PPARGC1A: variants seen among roughly 807,000 people sequenced by gnomAD.
The protein encoded by PPARGC1A is peroxisome proliferator-activated receptor gamma coactivator 1-alpha.
A neutral mutation model predicts 88.7 loss-of-function variants in PPARGC1A; 25 were observed. The ratio of observed to expected loss-of-function variants is 0.28; its 90% CI spans 0.21 to 0.39. PPARGC1A has a LOEUF of 0.39. Among genes scored for constraint, PPARGC1A ranks in the 10% least tolerant of loss-of-function variants. The pLI is 1.00. For synonymous variants in PPARGC1A, 363 were observed against 355.6 expected, an observed-to-expected ratio of 1.02 and a Z score of -0.24; for missense variants, 880 against 968.7, an observed-to-expected ratio of 0.91 and a Z score of 1.22.
At chr4:23,974,799 A>ATTTTGTTTTTTTTTTTT in the PPARGC1A span, among the ~76,000 whole-genome samples, 1 of 61,120 alleles carries the variant, frequency 1.6e-5, no homozygotes, top group Non-Finnish European at 2.8e-5. Context: ...GGCCCGGCTA[A>ATTTTGTTTTTTTTTTTT]TTTTTTTTTT....
At chr4:23,985,868 T>A in the PPARGC1A span, among the ~76,000 whole-genome samples, 1 of 152,012 alleles carries the variant, frequency 6.6e-6, no homozygotes, top group Non-Finnish European at 1.5e-5. Context: ...ATGAGAAAAT[T>A]ATGGTACACA....
At chr4:24,208,151 T>G in the PPARGC1A span, among the ~76,000 whole-genome samples, 4 of 151,962 alleles carry the variant, frequency 2.6e-5, no homozygotes, top group Non-Finnish European at 5.9e-5. Context: ...GGCGCATTGG[T>G]GTGCACCTGT....
At chr4:24,217,940 G>A in the PPARGC1A span, among the ~76,000 whole-genome samples, 7 of 152,092 alleles carry the variant, frequency 4.6e-5, no homozygotes, top group Non-Finnish European at 8.8e-5. Context: ...GTTTCTATAA[G>A]AAACATGTAA....
the PPARGC1A span, among the ~76,000 whole-genome samples, chr4:24,272,995 T>G: frequency 6.6e-6 from 1 of 152,254 alleles, no homozygotes; most frequent in African/African-American, 2.4e-5. Flanking sequence ...TCTACCTAAC[T>G]GCAGCTCAGC....
the PPARGC1A span, among the ~76,000 whole-genome samples, chr4:24,437,955 G>A: frequency 6.6e-6 from 1 of 152,134 alleles, no homozygotes; most frequent in African/African-American, 2.4e-5. Flanking sequence ...GGGATTACAG[G>A]CCTGACCCAC....
the PPARGC1A span, among the ~76,000 whole-genome samples, chr4:24,203,259 C>T: frequency 6.6e-6 from 1 of 152,182 alleles, no homozygotes; most frequent in African/African-American, 2.4e-5. Flanking sequence ...AATGACCAGG[C>T]CGGACGTGGT....
the PPARGC1A span, among the ~76,000 whole-genome samples, chr4:24,005,591 T>C: frequency 6.6e-6 from 1 of 152,182 alleles, no homozygotes; most frequent in Non-Finnish European, 1.5e-5. Context: ...CACTGTCACA[T>C]TATTCAGATT....
At chr4:23,879,748 A>G (rs890465132) in intron 2 of PPARGC1A, among the ~76,000 whole-genome samples, 7 of 152,168 alleles carry the variant, frequency 4.6e-5, no homozygotes, top group African/African-American at 1.7e-4. Context: ...TGTCAGCATT[A>G]TCACTCTTAA....
At chr4:23,898,678 A>T (rs2148874383) in intron 1 of PPARGC1A, among the ~76,000 whole-genome samples, 1 of 152,324 alleles carries the variant, frequency 6.6e-6, no homozygotes, top group Admixed American at 6.5e-5. Flanking sequence ...ATCTGCAAAA[A>T]GAGGTTGATG....
At chr4:24,235,798 T>C in the PPARGC1A span, among the ~76,000 whole-genome samples, 182 of 152,250 alleles carry the variant, frequency 1.2e-3, no homozygotes, top group African/African-American at 4.1e-3. Context: ...AAAGGTAAGG[T>C]AGACTCATCC....
At chr4:24,166,779 C>T in the PPARGC1A span, among the ~76,000 whole-genome samples, 1 of 152,180 alleles carries the variant, frequency 6.6e-6, no homozygotes, top group Non-Finnish European at 1.5e-5. Context: ...TAAGCCCAGT[C>T]TTGAGACTTA....
chr4:24,367,555 A>T, the PPARGC1A span, among the ~76,000 whole-genome samples: 2 of 152,206 alleles, frequency 1.3e-5, no homozygotes, highest in Non-Finnish European at 2.9e-5. Flanking sequence ...AAGTCATTCC[A>T]AATTAATGCA....
chr4:24,469,813 G>A, the PPARGC1A span, among the ~76,000 whole-genome samples: 1 of 152,072 alleles, frequency 6.6e-6, no homozygotes, highest in Non-Finnish European at 1.5e-5. Flanking sequence ...CTCCGCAAAT[G>A]GTTCTCTCTT....
chr4:23,976,827 T>A, the PPARGC1A span, among the ~76,000 whole-genome samples: 2 of 152,134 alleles, frequency 1.3e-5, no homozygotes, highest in African/African-American at 2.4e-5. Flanking sequence ...TCCAGAACTG[T>A]GAGAAAATAA....
chr4:24,203,631 G>A, the PPARGC1A span, among the ~76,000 whole-genome samples: 1 of 152,230 alleles, frequency 6.6e-6, no homozygotes, highest in African/African-American at 2.4e-5. Context: ...TCTTTCAAAT[G>A]CAAAGGCATA....
intron 1 of PPARGC1A, among the ~76,000 whole-genome samples, chr4:23,887,423 T>G (rs1717100545): frequency 6.6e-6 from 1 of 152,230 alleles, no homozygotes; most frequent in South Asian, 2.1e-4. Context: ...TGTCCTCATC[T>G]GACATGCTGA....
At chr4:24,195,618 A>G in the PPARGC1A span, among the ~76,000 whole-genome samples, 1 of 152,238 alleles carries the variant, frequency 6.6e-6, no homozygotes, top group African/African-American at 2.4e-5. Flanking sequence ...AGGGTTTTAA[A>G]TAGCGATTTT....
At chr4:23,974,301 C>T in the PPARGC1A span, among the ~76,000 whole-genome samples, 1 of 152,088 alleles carries the variant, frequency 6.6e-6, no homozygotes, top group Non-Finnish European at 1.5e-5. Context: ...CAAAATAATA[C>T]CAATAAGAGT....
the PPARGC1A span, among the ~76,000 whole-genome samples, chr4:24,471,624 C>T: frequency 6.6e-6 from 1 of 152,216 alleles, no homozygotes; most frequent in Non-Finnish European, 1.5e-5. This position sits in a 1 kb window ranked among gnomAD's most constrained non-coding sequence, Gnocchi z 5.4. Flanking sequence ...TTCCACGCCC[C>T]CCTTCCGGCG....
Sources: allele counts gnomAD v4.1 joint callset (sites outside exome capture counted in the v4.1 genomes callset), GRCh38; gene constraint gnomAD v4.1.1; non-coding constraint Gnocchi (gnomAD v3.1); transcripts MANE v1.5; gene names NCBI Gene and HGNC (gene_info 2026-07-23, HGNC 2026-07-21).